ZNF607: variants seen among roughly 807,000 people sequenced by gnomAD.
ZNF607 encodes the protein zinc finger protein 607.
A neutral mutation model predicts 12.8 loss-of-function variants in ZNF607; 5 were observed. The ratio of observed to expected loss-of-function variants is 0.39; its 90% CI spans 0.20 to 0.82. The LOEUF (loss-of-function observed/expected upper bound fraction) is 0.82. Ranked by LOEUF, ZNF607 falls within the 40% of genes least tolerant of loss-of-function variation. The pLI is 0.39. For synonymous variants in ZNF607, 287 were observed against 276.2 expected, an observed-to-expected ratio of 1.04 and a Z score of -0.39; for missense variants, 851 against 859.2, an observed-to-expected ratio of 0.99 and a Z score of 0.12.
chr19:37,714,007 T>TAAATAAGACAGGTTTAA (rs1428555221), intron 1 of ZNF607, among the ~76,000 whole-genome samples: 1 of 151,980 alleles, frequency 6.6e-6, no homozygotes, highest in Non-Finnish European at 1.5e-5. Flanking sequence ...GATGAGTTAG[T>TAAATAAGACAGGTTTAA]AAATAAGACA....
At position 37,698,794 on chromosome 19, in the gene ZNF607, T is replaced by G. The variant is rs1257114303; in HGVS notation, c.1337A>C (p.Tyr446Ser). ...LAHHNRIHTG[Y>S]KPFECKECGK... is the part of the protein sequence containing the mutation. ...ACATTCTTTACATTCAAAGGGTTTG[T>G]AACCAGTATGAATTCTGTTATGATG... Residue 446 changes from tyrosine (Y) to serine (S), a missense_variant, in exon 5 of 5, where the codon TAC becomes TCC. By Grantham distance (144) the Tyr-to-Ser change is moderately radical. Coordinates refer to ENST00000355202, the MANE Select transcript of ZNF607 (RefSeq NM_032689.5). The G allele has an allele frequency of 6.2e-7, 1 of 1,613,868 alleles. No homozygotes were observed. Among genetic ancestry groups the G allele is most frequent in the Non-Finnish European group, 8.5e-7 (1 of 1,179,812 alleles).
At chr19:37,715,570 A>C (rs1297152950) in intron 1 of ZNF607, among the ~76,000 whole-genome samples, 1 of 150,920 alleles carries the variant, frequency 6.6e-6, no homozygotes, top group Non-Finnish European at 1.5e-5. Flanking sequence ...ATGCCATTGC[A>C]CTCCAGCCTG....
At chr19:37,715,123 G>A (rs925852059) in intron 1 of ZNF607, among the ~76,000 whole-genome samples, 1 of 151,538 alleles carries the variant, frequency 6.6e-6, no homozygotes, top group Non-Finnish European at 1.5e-5. Context: ...GACCAGGCTG[G>A]TCTAGAACTC....
chr19:37,698,930 A>G lies in ZNF607; in HGVS notation c.1201T>C (p.Ser401Pro). 6.2e-7 allele frequency: 1 copy of G among 1,614,002 alleles called. No homozygotes were observed. Among genetic ancestry groups the G allele is most frequent in the Non-Finnish European group, 8.5e-7 (1 of 1,179,974 alleles). ...TTAAGGGATGAATTGAGCCTAAAGG[A>G]CTTCCCACATTTGTTACATTCATAG... is the stretch of plus-strand genomic sequence containing the variant. ...KPYECNKCGK[S>P]FRLNSSLKIH... Residue 401 changes from serine (S) to proline (P), a missense_variant, in exon 5 of 5, where the codon TCC (serine) becomes CCC (proline). Transcript: ENST00000355202.
At chr19:37,701,300 T>G (rs184209892) in intron 4 of ZNF607, among the ~76,000 whole-genome samples, 12 of 152,222 alleles carry the variant, frequency 7.9e-5, no homozygotes, top group African/African-American at 2.9e-4. Context: ...AATCTATCAG[T>G]ATGTTCAATC....
intron 1 of ZNF607, among the ~76,000 whole-genome samples, chr19:37,718,368 C>T (rs1206362355): frequency 3.9e-5 from 6 of 152,152 alleles, no homozygotes; most frequent in African/African-American, 1.4e-4. Flanking sequence ...TTATGTTTCC[C>T]CCCTCCAAGG....
chr19:37,716,644 C>T (rs762566695), intron 1 of ZNF607, among the ~76,000 whole-genome samples: 59 of 152,144 alleles, frequency 3.9e-4, no homozygotes, highest in South Asian at 2.1e-4. Flanking sequence ...AAACTGAAAA[C>T]ATATACACCC....
At chr19:37,710,309 A>C (rs970849844) in intron 2 of ZNF607, among the ~76,000 whole-genome samples, 56 of 151,806 alleles carry the variant, frequency 3.7e-4, no homozygotes, top group African/African-American at 1.3e-3. Context: ...TACTAAAAAA[A>C]CCACAAAATT....
At chr19:37,707,272 G>A (rs746575424) in intron 4 of ZNF607, among the ~76,000 whole-genome samples, 4 of 152,136 alleles carry the variant, frequency 2.6e-5, no homozygotes, top group Non-Finnish European at 2.9e-5. Flanking sequence ...CGGGTGGATC[G>A]CTTGAGCCCA....
chr19:37,714,390 T>C (rs1282568477), intron 1 of ZNF607, among the ~76,000 whole-genome samples: 6 of 148,700 alleles, frequency 4.0e-5, no homozygotes, highest in Admixed American at 2.0e-4. Flanking sequence ...TCACCCTGTC[T>C]CCAGTAAAAA....
Position 37,716,896 on chromosome 19 carries a change from A to C in ZNF607, c.-75+2373T>G, listed in dbSNP as rs995336627. On this transcript the variant is annotated intron_variant, in intron 1 of 4. Transcript: ENST00000355202. ...AGGCCTAGAATGAAAAATCAGCGTGACTAAAACATGTAACTCTTTGTCTTC... is the reference window on the plus strand; with the variant it reads ...AGGCCTAGAATGAAAAATCAGCGTGCCTAAAACATGTAACTCTTTGTCTTC... Among the ~76,000 whole-genome samples the C allele has an allele frequency of 2.0e-5, 3 of 152,238 alleles. No homozygotes were observed. In the East Asian group the frequency reaches 5.8e-4, roughly 29 times the overall value.
At chr19:37,707,221 A>G (rs143098107) in intron 4 of ZNF607, among the ~76,000 whole-genome samples, 408 of 152,272 alleles carry the variant, frequency 2.7e-3, no homozygotes, top group African/African-American at 9.5e-3. Flanking sequence ...GCCGGGTGAG[A>G]TGGCTCACAC....
At chr19:37,714,604 G>A (rs1212441616) in intron 1 of ZNF607, among the ~76,000 whole-genome samples, 2 of 150,618 alleles carry the variant, frequency 1.3e-5, no homozygotes, top group African/African-American at 2.4e-5. Flanking sequence ...AATTAGTTAC[G>A]TGGTATCCTG....
chr19:37,698,055 C>T lies in ZNF607; in HGVS notation c.2076G>A (p.Gln692=). The part of the protein sequence containing the change: ...FRLRSILEVH[Q]RIHI ...AATTTCTCTATCAAATATGAATTCT[C>T]TGATGTACTTCAAGGATGGATCTAA... Residue 692 remains glutamine, a synonymous_variant, in exon 5 of 5, where the codon CAG becomes CAA. Transcript: ENST00000355202. The T allele has an allele frequency of 1.3e-6, 2 of 1,594,556 alleles. No individual in the cohort carries two copies. The highest frequency in any genetic ancestry group is 1.7e-6 in the Non-Finnish European group (2 of 1,173,192).
intron 4 of ZNF607, among the ~76,000 whole-genome samples, chr19:37,700,290 A>G (rs2045028599): frequency 6.6e-6 from 1 of 152,230 alleles, no homozygotes; most frequent in South Asian, 2.1e-4. Flanking sequence ...CTAAGAATAC[A>G]GGCAAGTATC....
chr19:37,709,605 G>A (rs1449842562), intron 3 of ZNF607, 91 bp downstream of exon 3: 2 of 1,422,572 alleles, frequency 1.4e-6, no homozygotes. Context: ...TTCTTAAAAG[G>A]CAGCCCTGAA....
At chr19:37,704,259 C>A (rs911869651) in intron 4 of ZNF607, among the ~76,000 whole-genome samples, 2 of 152,092 alleles carry the variant, frequency 1.3e-5, no homozygotes, top group Non-Finnish European at 2.9e-5. Context: ...CAGTATTAAC[C>A]AAGAAACTAC....
intron 4 of ZNF607, among the ~76,000 whole-genome samples, chr19:37,700,264 A>G (rs2045028295): frequency 6.6e-6 from 1 of 152,218 alleles, no homozygotes; most frequent in Non-Finnish European, 1.5e-5. Flanking sequence ...CCCTGTATAT[A>G]AATTTATATC....
At chr19:37,717,262 T>C (rs1217548316) in intron 1 of ZNF607, among the ~76,000 whole-genome samples, 2 of 152,152 alleles carry the variant, frequency 1.3e-5, no homozygotes, top group African/African-American at 4.8e-5. Context: ...CTCGGCTCAC[T>C]GCAAGGTCCG....
Sources: allele counts gnomAD v4.1 joint callset (sites outside exome capture counted in the v4.1 genomes callset), GRCh38; gene constraint gnomAD v4.1.1; transcripts MANE v1.5; gene names NCBI Gene and HGNC (gene_info 2026-07-23, HGNC 2026-07-21).